IGSF22: variants seen among roughly 807,000 people sequenced by gnomAD.
IGSF22 encodes the protein immunoglobulin superfamily, member 22.
IGSF22 carries 119 observed loss-of-function variants against 127.0 expected under a neutral mutation model. The observed-to-expected ratio is 0.94, with a 90% CI of 0.81 to 1.09. The LOEUF (loss-of-function observed/expected upper bound fraction) is 1.09, where lower values mean the gene tolerates loss of function less well. Ranked by LOEUF, IGSF22 falls within the 50% of genes least tolerant of loss-of-function variation. The pLI is 0.00. For synonymous variants in IGSF22, 568 were observed against 664.7 expected (o/e 0.85, Z 2.24); for missense variants, 1,518 against 1,716.6 (o/e 0.88, Z 2.04).
At position 18,720,338 on chromosome 11, in the gene IGSF22, C is replaced by T. The variant is rs1414272577; in HGVS notation, c.379-53G>A. 4 of 1,425,310 alleles carry T rather than the reference C, an allele frequency of 2.8e-6. No individual in the cohort carries two copies. The East Asian group carries it at 9.1e-5, about 33-fold the overall frequency. 88.3% of individuals were successfully genotyped at this position (1,425,310 alleles called of 1,614,324 possible). Reference sequence around the variant, plus strand: ...GGAAGGAAAAGGAACCACAGGGAGACTTTCTGTCAGATAAGGTAGGAGGCC... The same window carrying T: ...GGAAGGAAAAGGAACCACAGGGAGATTTTCTGTCAGATAAGGTAGGAGGCC... On this transcript the variant is annotated intron_variant, in intron 4 of 22. Transcript: ENST00000513874.
In IGSF22 at chr11:18,709,720, T is replaced by G; in HGVS notation, c.2702-37A>C. On this transcript the variant is annotated intron_variant, in intron 17 of 22. Coordinates refer to ENST00000513874, the MANE Select transcript of IGSF22 (RefSeq NM_173588.4). This position sits in a 1 kb window ranked among gnomAD's most constrained non-coding sequence, Gnocchi z 4.8. The stretch of plus-strand genomic sequence containing the variant: ...CAGACATGTAGTCAGCCCCTCCAAC[T>G]CATCTCCACTCAATGCCTTGCTCAC... 1 of 1,581,420 alleles carries G rather than the reference T, an allele frequency of 6.3e-7. No individual in the cohort carries two copies. The highest frequency in any genetic ancestry group is 8.6e-7 in the Non-Finnish European group (1 of 1,160,716).
At chr11:18,710,112 C>T (rs1447739622) in intron 17 of IGSF22, among the ~76,000 whole-genome samples, 1 of 152,140 alleles carries the variant, frequency 6.6e-6, no homozygotes, top group Non-Finnish European at 1.5e-5. Context: ...ATTTAAAAAA[C>T]GTTTTTGCAC....
chr11:18,718,117 A>T (rs1462813513), intron 8 of IGSF22, 24 bp from the exon 9 acceptor site: 2 of 1,609,758 alleles, frequency 1.2e-6, no homozygotes, highest in East Asian at 4.5e-5. Context: ...CAGGTAGGAA[A>T]GCTGATGAAG....
At chr11:18,715,331 G>T in intron 11 of IGSF22, 101 bp downstream of exon 11, 1 of 1,249,742 alleles carries the variant, frequency 8.0e-7, no homozygotes, top group Non-Finnish European at 1.1e-6. Flanking sequence ...ATGGTCTACA[G>T]GAGGGTTGGA....
At chr11:18,720,833 T>C (rs368817170) in intron 4 of IGSF22, among the ~76,000 whole-genome samples, 9 of 152,116 alleles carry the variant, frequency 5.9e-5, no homozygotes, top group African/African-American at 1.4e-4. Context: ...GTGGGGGGCT[T>C]AGGGTCCAGT....
chr11:18,710,612 A>C, intron 16 of IGSF22, 43 bp downstream of exon 16: 1 of 1,590,918 alleles, frequency 6.3e-7, no homozygotes, highest in Non-Finnish European at 8.6e-7. Flanking sequence ...ACTCAGCAAG[A>C]CCTCCTTTGG....
In IGSF22 at chr11:18,715,422, C is replaced by A. The variant is rs373386762; in HGVS notation, c.1531+10G>T. 2.5e-6 allele frequency: 4 copies of A among 1,600,174 alleles called. No individual in the cohort carries two copies. Among genetic ancestry groups the A allele is most frequent in the Non-Finnish European group, 2.6e-6 (3 of 1,173,868 alleles). ...GATTGGTCAGTGGGGATTGATAGGG[C>A]GGGTGTTACCCTCCACAGTGACGAT... On this transcript the variant is annotated intron_variant, in intron 11 of 22. Coordinates refer to ENST00000513874, the MANE Select transcript of IGSF22 (RefSeq NM_173588.4).
rs562339587 is a variant in IGSF22, at chr11:18,705,834, C to T, written c.3893G>A (p.Cys1298Tyr). Reference protein sequence around the residue: ...ENELGKDRSSCTLTVYDKDDK... With the variant: ...ENELGKDRSSYTLTVYDKDDK... ...GCCCTCACCATAGACGGTGAGCGTGCAGCTGCTGCGGTCCTTGCCCAGCTC... is the reference window on the plus strand; with the variant it reads ...GCCCTCACCATAGACGGTGAGCGTGTAGCTGCTGCGGTCCTTGCCCAGCTC... The change falls in exon 22 of 23, where the codon TGC (cysteine) becomes TAC (tyrosine). Residue 1298 changes from cysteine (C) to tyrosine (Y), a missense_variant. Coordinates refer to ENST00000513874, the MANE Select transcript of IGSF22 (RefSeq NM_173588.4). 9.4e-4 allele frequency: 1,448 copies of T among 1,547,536 alleles called. 28 individuals are homozygous for T. In the South Asian group the frequency reaches 0.017, roughly 18 times the overall value.
At chr11:18,706,772 T>C (rs1445308820) in intron 21 of IGSF22, 142 bp downstream of exon 21, 8 of 672,686 alleles carry the variant, frequency 1.2e-5, no homozygotes. Context: ...TTTCCTTCTC[T>C]CCGCAGCGTC....
At chr11:18,708,746 G>A (rs1294433347) in intron 18 of IGSF22, among the ~76,000 whole-genome samples, 1 of 152,188 alleles carries the variant, frequency 6.6e-6, no homozygotes, top group East Asian at 1.9e-4. Flanking sequence ...CCTTTGCGAA[G>A]CTAATGAAAG....
intron 21 of IGSF22, among the ~76,000 whole-genome samples, chr11:18,706,377 C>A (rs1207790796): frequency 1.5e-5 from 2 of 131,764 alleles, no homozygotes; most frequent in African/African-American, 5.6e-5. Flanking sequence ...GCCACCCAAA[C>A]CACGCTTTCC....
chr11:18,708,269 G>A lies in IGSF22; in HGVS notation c.3025C>T (p.Arg1009Trp), dbSNP rs1367808387. ...PAAPKFDLSA[R>W]LKSHMVVRAG... ...CGAACCACCATGTGACTCTTCAGCCGGGCACTGAGGTCAAACTTGGGTGCA... is the reference window on the plus strand; with the variant it reads ...CGAACCACCATGTGACTCTTCAGCCAGGCACTGAGGTCAAACTTGGGTGCA... Residue 1009 changes from arginine (R) to tryptophan (W), a missense_variant, in exon 19 of 23, where the codon CGG becomes TGG. Arg to Trp is a moderately radical substitution (Grantham distance 101). This residue lies in a region of IGSF22 where 1,456 missense variants were observed against 1,644.9 expected (regional missense o/e 0.89). Transcript: ENST00000513874. The A allele has an allele frequency of 3.2e-6, 5 of 1,548,262 alleles. No individual in the cohort carries two copies. The highest frequency in any genetic ancestry group is 2.4e-5 in the South Asian group (2 of 83,338).
chr11:18,709,480 G>C lies in IGSF22; in HGVS notation c.2905C>G (p.Gln969Glu), dbSNP rs746347899. 19 of 1,614,060 alleles carry C rather than the reference G, an allele frequency of 1.2e-5. No individual in the cohort carries two copies. Among genetic ancestry groups the C allele is most frequent in the Non-Finnish European group, 1.4e-5 (17 of 1,180,040 alleles). ...CYTVGGLIER[Q>E]KYFFRIRAVN... The stretch of plus-strand genomic sequence containing the variant: ...GCCCGGATTCGGAAGAAGTATTTCT[G>C]CCTCTCGATGAGTCCTCCCACTGTG... Residue 969 changes from glutamine (Q) to glutamate (E), a missense_variant, in exon 18 of 23, where the codon CAG (glutamine) becomes GAG (glutamate). Gln to Glu is a conservative substitution (Grantham distance 29). Coordinates refer to ENST00000513874, the MANE Select transcript of IGSF22 (RefSeq NM_173588.4). The surrounding 1 kb of genome is among the most constrained non-coding windows in gnomAD (Gnocchi z 4.8).
At position 18,708,288 on chromosome 11, in the gene IGSF22, G is replaced by A. The variant is rs1351996099; in HGVS notation, c.3006C>T (p.Pro1002=). 1 of 1,545,672 alleles carries A rather than the reference G, an allele frequency of 6.5e-7. No individual in the cohort carries two copies. Among genetic ancestry groups the A allele is most frequent in the Non-Finnish European group, 8.7e-7 (1 of 1,144,188 alleles). ...TCAGCCGGGCACTGAGGTCAAACTT[G>A]GGTGCAGCTGAGATGGAGGAGACAG... ...GVRAMPPPAA[P]KFDLSARLKS... is the part of the protein sequence containing the mutation. The change falls in exon 19 of 23, where the codon CCC becomes CCT. Residue 1002 remains proline (P), a synonymous_variant. Coordinates refer to ENST00000513874, the MANE Select transcript of IGSF22 (RefSeq NM_173588.4).
chr11:18,704,683 C>T (rs1485185242), intron 22 of IGSF22, 145 bp from the exon 23 acceptor site: 1 of 637,870 alleles, frequency 1.6e-6, no homozygotes, highest in Admixed American at 2.5e-5. Flanking sequence ...GGGGCAAGAG[C>T]TGCCATTTAT....
chr11:18,718,151 G>A, intron 8 of IGSF22, 58 bp from the exon 9 acceptor site: 1 of 1,552,556 alleles, frequency 6.4e-7, no homozygotes. Context: ...AGCTTCCAGA[G>A]GTCTCCATTC....
At chr11:18,706,292 GTTC>G (rs1848229706) in intron 21 of IGSF22, 146 bp from the exon 22 acceptor site, 1 of 791,424 alleles carries the variant, frequency 1.3e-6, no homozygotes, top group East Asian at 2.7e-5. Context: ...TGTTACACTG[GTTC>G]TTAAGGGCTC....
chr11:18,716,592 CCT>C lies in IGSF22; in HGVS notation c.1246+134_1246+135del, dbSNP rs1848467164. On this transcript the variant is annotated intron_variant, in intron 10 of 22. Coordinates refer to ENST00000513874, the MANE Select transcript of IGSF22 (RefSeq NM_173588.4). The surrounding 1 kb of genome is among the most constrained non-coding windows in gnomAD (Gnocchi z 4.5). Reference sequence around the variant, plus strand: ...TAGGGGTTAACAGAGAGGAGATCCCCCTGTCTTTCCAGTACCTACCACAGGGC... The same window carrying C: ...TAGGGGTTAACAGAGAGGAGATCCCCGTCTTTCCAGTACCTACCACAGGGC... The C allele has an allele frequency of 7.2e-6, 6 of 832,154 alleles. No individual in the cohort carries two copies. The highest frequency in any genetic ancestry group is 5.0e-5 in the East Asian group (2 of 40,004). The allele number at this position is 832,154 out of a possible 1,614,324, so 51.5% of individuals were successfully genotyped here.
rs1300620037 is a variant in IGSF22, at chr11:18,712,036, T to C, written c.2398+46A>G. On this transcript the variant is annotated intron_variant, in intron 15 of 22. Transcript: ENST00000513874. ...GTTCCTTCCTGGCTTAAGGTCTCCA[T>C]GCTGACCCCTGGGTTCCCCACTGAG... 21 of 1,494,338 alleles carry C rather than the reference T, an allele frequency of 1.4e-5. No homozygotes were observed. In the South Asian group the frequency reaches 2.8e-4, roughly 20 times the overall value. 92.6% of individuals were successfully genotyped at this position (1,494,338 alleles called of 1,614,324 possible). A position where few individuals can be genotyped will look rare whatever the true frequency, so the allele number is the denominator to read the frequency against.
Sources: gnomAD v4.1 joint callset for allele counts (sites outside exome capture counted in the v4.1 genomes callset) on GRCh38, gnomAD v4.1.1 for gene constraint, gnomAD v4.1.1 regional missense constraint, Gnocchi (gnomAD v3.1) non-coding constraint, MANE v1.5 for transcripts, NCBI Gene and HGNC (gene_info 2026-07-23, HGNC 2026-07-21) for gene names.